The following STIM2 variants were observed in gnomAD, a reference collection of about 807,000 sequenced individuals.
The protein encoded by STIM2 is stromal interaction molecule 2.
STIM2 carries 31 observed loss-of-function variants against 85.8 expected under a neutral mutation model. The observed-to-expected ratio is 0.36, with a 90% CI of 0.27 to 0.49. The LOEUF (loss-of-function observed/expected upper bound fraction) is 0.49. Ranked by LOEUF, STIM2 falls within the 20% of genes least tolerant of loss-of-function variation. The pLI, the probability that STIM2 is intolerant of heterozygous loss-of-function variation, is 0.98. For missense variants in STIM2, 841 were observed against 927.6 expected (o/e 0.91, Z 1.21); for synonymous variants, 356 against 331.1 (o/e 1.08, Z -0.82).
intron 9 of STIM2, 26 bp downstream of exon 9, chr4:27,008,554 T>A: frequency 6.7e-7 from 1 of 1,491,294 alleles, no homozygotes; most frequent in Non-Finnish European, 9.2e-7. Flanking sequence ...TCACTTTTAT[T>A]TGATTTATGT....
intron 1 of STIM2, among the ~76,000 whole-genome samples, chr4:26,918,923 A>G (rs1411398091): frequency 3.3e-5 from 5 of 152,200 alleles, no homozygotes; most frequent in Non-Finnish European, 4.4e-5. Flanking sequence ...TGTTGTTGTC[A>G]TAGTTGAACC....
chr4:26,987,072 C>A (rs1727609022), intron 3 of STIM2, among the ~76,000 whole-genome samples: 1 of 152,148 alleles, frequency 6.6e-6, no homozygotes, highest in Non-Finnish European at 1.5e-5. Context: ...TTCACTTAAA[C>A]CTAGTTGTAC....
At chr4:26,959,712 A>ATT (rs752598400) in intron 3 of STIM2, among the ~76,000 whole-genome samples, 12 of 141,908 alleles carry the variant, frequency 8.5e-5, no homozygotes, top group African/African-American at 5.1e-5. Flanking sequence ...TGTTTACTTG[A>ATT]TTTTTTTTTT....
At chr4:26,929,529 GTACT>G (rs1469130097) in intron 2 of STIM2, among the ~76,000 whole-genome samples, 2 of 151,910 alleles carry the variant, frequency 1.3e-5, no homozygotes, top group Non-Finnish European at 2.9e-5. Context: ...AAATTTTAAA[GTACT>G]TAATTTCTTG....
intron 2 of STIM2, among the ~76,000 whole-genome samples, chr4:26,957,089 A>G (rs991445331): frequency 6.6e-6 from 1 of 152,192 alleles, no homozygotes; most frequent in East Asian, 1.9e-4. Flanking sequence ...TTATATAAAA[A>G]TGATATAGCA....
chr4:26,864,486 A>G (rs1399313510), intron 1 of STIM2, among the ~76,000 whole-genome samples: 1 of 152,132 alleles, frequency 6.6e-6, no homozygotes, highest in Non-Finnish European at 1.5e-5. Context: ...ATGAAAGGGA[A>G]ACAAACAAAC....
chr4:27,019,412 C>A (rs1393758702), intron 11 of STIM2: 1 of 1,289,512 alleles, frequency 7.8e-7, no homozygotes, highest in Admixed American at 2.3e-5. Flanking sequence ...TGATCATAGT[C>A]ACCAGCAAGA....
chr4:26,869,124 A>G (rs543575278), intron 1 of STIM2, among the ~76,000 whole-genome samples: 2 of 151,882 alleles, frequency 1.3e-5, no homozygotes, highest in South Asian at 2.1e-4. Context: ...GTGAAATCCC[A>G]TCTCCTCAAA....
intron 1 of STIM2, among the ~76,000 whole-genome samples, chr4:26,889,458 C>T (rs930830910): frequency 6.6e-6 from 1 of 152,188 alleles, no homozygotes; most frequent in Non-Finnish European, 1.5e-5. Flanking sequence ...ATAAGGCATT[C>T]TGTGGGTTTG....
At chr4:26,997,765 A>G (rs1055047578) in intron 4 of STIM2, among the ~76,000 whole-genome samples, 1 of 152,194 alleles carries the variant, frequency 6.6e-6, no homozygotes, top group African/African-American at 2.4e-5. Context: ...ATGCAATTTG[A>G]TAAGTGTCAT....
At chr4:26,911,593 G>A (rs894221889) in intron 1 of STIM2, among the ~76,000 whole-genome samples, 19 of 152,170 alleles carry the variant, frequency 1.2e-4, no homozygotes, top group African/African-American at 4.6e-4. Context: ...CTTTTGAAAA[G>A]TCTGAATAGA....
intron 3 of STIM2, among the ~76,000 whole-genome samples, chr4:26,969,533 G>A (rs2109102893): frequency 6.6e-6 from 1 of 152,316 alleles, no homozygotes; most frequent in East Asian, 1.9e-4. Context: ...CTGATCCCGA[G>A]CCTGTGACCT....
At chr4:26,886,893 G>C (rs1402282418) in intron 1 of STIM2, among the ~76,000 whole-genome samples, 5 of 152,208 alleles carry the variant, frequency 3.3e-5, no homozygotes, top group African/African-American at 1.2e-4. Flanking sequence ...AGACCAATTA[G>C]TAGGCTTTTG....
In STIM2 at chr4:27,024,303, G is replaced by A. The variant is rs1344215058; in HGVS notation, c.*1307G>A. ...TAAGTTCCATATAGCAACAAAGTATGTTAACATCTAGGGAGTTTCTGCTTA... is the reference window on the plus strand; with the variant it reads ...TAAGTTCCATATAGCAACAAAGTATATTAACATCTAGGGAGTTTCTGCTTA... On this transcript the variant is annotated 3_prime_UTR_variant, in exon 12 of 12. Coordinates refer to ENST00000467087, the MANE Select transcript of STIM2 (RefSeq NM_020860.4). 6.6e-6 allele frequency: 1 copy of A among 152,146 alleles called. No individual in the cohort carries two copies. The highest frequency in any genetic ancestry group is 1.5e-5 in the Non-Finnish European group (1 of 68,012). The allele number at this position is 152,146 out of a possible 1,614,324, so 9.4% of individuals were successfully genotyped here.
At chr4:26,866,919 T>C (rs1252386407) in intron 1 of STIM2, among the ~76,000 whole-genome samples, 1 of 152,220 alleles carries the variant, frequency 6.6e-6, no homozygotes, top group East Asian at 1.9e-4. Flanking sequence ...TAATAAACTC[T>C]TGAAGTTGCA....
chr4:26,932,813 A>G (rs1577446209), intron 2 of STIM2, among the ~76,000 whole-genome samples: 2 of 152,352 alleles, frequency 1.3e-5, no homozygotes, highest in East Asian at 3.9e-4. Context: ...ACTTCGGTTC[A>G]GCAGTCTTTT....
intron 4 of STIM2, among the ~76,000 whole-genome samples, chr4:26,995,796 T>C (rs1727943103): frequency 6.6e-6 from 1 of 152,086 alleles, no homozygotes; most frequent in African/African-American, 2.4e-5. Flanking sequence ...AGAAAAACTT[T>C]TTTATTTGAT....
intron 2 of STIM2, among the ~76,000 whole-genome samples, chr4:26,948,205 C>T (rs1725916921): frequency 1.3e-5 from 2 of 152,190 alleles, no homozygotes; most frequent in Admixed American, 6.5e-5. Context: ...TATCTCTCAA[C>T]AGCTCTAGGT....
intron 11 of STIM2, among the ~76,000 whole-genome samples, chr4:27,022,186 A>G (rs760667992): frequency 2.0e-5 from 3 of 152,230 alleles, no homozygotes; most frequent in Non-Finnish European, 4.4e-5. Context: ...AATAGTATTG[A>G]AACAAAACAT....
Sources: gnomAD v4.1 joint callset for allele counts (sites outside exome capture counted in the v4.1 genomes callset) on GRCh38, gnomAD v4.1.1 for gene constraint, MANE v1.5 for transcripts, NCBI Gene and HGNC (gene_info 2026-07-23, HGNC 2026-07-21) for gene names.